Variants in ITGBL1 observed in about 807,000 individuals in gnomAD.
ITGBL1 encodes integrin beta-like protein 1.
A neutral mutation model predicts 68.5 loss-of-function variants in ITGBL1; 51 were observed. That is an observed-to-expected ratio of 0.74 (90% CI 0.59 to 0.94). The LOEUF (loss-of-function observed/expected upper bound fraction) is 0.94, where lower values mean the gene tolerates loss of function less well. Among genes scored for constraint, ITGBL1 ranks in the 40% least tolerant of loss-of-function variants. ITGBL1 has a pLI of 0.00. For synonymous variants in ITGBL1, 209 were observed against 227.3 expected (o/e 0.92, Z 0.72); for missense variants, 649 against 647.4 (o/e 1.00, Z -0.03).
intron 7 of ITGBL1, among the ~76,000 whole-genome samples, chr13:101,666,635 A>G (rs1206402845): frequency 6.6e-6 from 1 of 151,930 alleles, no homozygotes; most frequent in African/African-American, 2.4e-5. Context: ...TTGTTTGGTT[A>G]CATGTGTCTA....
intron 2 of ITGBL1, among the ~76,000 whole-genome samples, chr13:101,558,060 G>A (rs964431165): frequency 1.0e-4 from 12 of 119,050 alleles, no homozygotes; most frequent in African/African-American, 4.1e-4. Context: ...CTCCAGCCTG[G>A]GAGACAGAGC....
At chr13:101,543,883 T>A (rs192578464) in intron 2 of ITGBL1, among the ~76,000 whole-genome samples, 1 of 152,334 alleles carries the variant, frequency 6.6e-6, no homozygotes, top group Admixed American at 6.5e-5. Context: ...GTAGTTCTCG[T>A]GCCTTGGTTT....
At chr13:101,629,934 T>C (rs1411377677) in intron 7 of ITGBL1, among the ~76,000 whole-genome samples, 3 of 152,178 alleles carry the variant, frequency 2.0e-5, no homozygotes, top group Non-Finnish European at 4.4e-5. Context: ...GCAATTCTCC[T>C]GCCTCAGCCT....
At chr13:101,696,990 A>G (rs1208968410) in intron 8 of ITGBL1, among the ~76,000 whole-genome samples, 1 of 152,076 alleles carries the variant, frequency 6.6e-6, no homozygotes, top group East Asian at 1.9e-4. Flanking sequence ...GGGCAAAAGC[A>G]CACAGGTGAA....
At chr13:101,553,031 A>G (rs551401078) in intron 2 of ITGBL1, among the ~76,000 whole-genome samples, 2 of 152,216 alleles carry the variant, frequency 1.3e-5, no homozygotes, top group South Asian at 2.1e-4. Flanking sequence ...GAGGACTGAC[A>G]TTTTTTTCAG....
chr13:101,680,504 A>C (rs2139525505), intron 7 of ITGBL1, among the ~76,000 whole-genome samples: 1 of 151,960 alleles, frequency 6.6e-6, no homozygotes, highest in Non-Finnish European at 1.5e-5. Flanking sequence ...TGCTCTCCTG[A>C]AATCATCTCA....
At position 101,715,685 on chromosome 13, in the gene ITGBL1, T is replaced by C; in HGVS notation, c.*31T>C. ...ACATGAGAGAGGTCTGGATTCTTAT[T>C]TTTTCTGGGCCATTAGAACAGATAA... On this transcript the variant is annotated 3_prime_UTR_variant, in exon 11 of 11. Transcript: ENST00000376180. The C allele has an allele frequency of 1.4e-6, 2 of 1,442,960 alleles. No homozygotes were observed. The highest frequency in any genetic ancestry group is 2.0e-6 in the Non-Finnish European group (2 of 1,023,910). 89.4% of individuals were successfully genotyped at this position (1,442,960 alleles called of 1,614,324 possible).
intron 7 of ITGBL1, among the ~76,000 whole-genome samples, chr13:101,613,541 C>T (rs2031227929): frequency 6.6e-6 from 1 of 152,134 alleles, no homozygotes; most frequent in African/African-American, 2.4e-5. Context: ...CAGGGACCCT[C>T]TCCCAGGAAG....
rs531161517 is a variant in ITGBL1 at position 101,693,195 on chromosome 13, T to C, written c.1132+494T>C. ...GAGAATGAGTGAGGCAGATAGAAGG[T>C]AGTGAGCAGAGGTAACCCACAAAAA... On this transcript the variant is annotated intron_variant, in intron 8 of 10. Coordinates refer to ENST00000376180, the MANE Select transcript of ITGBL1 (RefSeq NM_004791.3). Among the ~76,000 whole-genome samples, 101 of 152,128 alleles carry C rather than the reference T, an allele frequency of 6.6e-4. 1 individual carries two copies. The South Asian group carries it at 7.7e-3, about 12-fold the overall frequency.
At chr13:101,653,158 G>C (rs2032805696) in intron 7 of ITGBL1, among the ~76,000 whole-genome samples, 1 of 150,720 alleles carries the variant, frequency 6.6e-6, no homozygotes, top group Non-Finnish European at 1.5e-5. Context: ...AGGAGGAGGA[G>C]GAGAAACAAA....
intron 2 of ITGBL1, among the ~76,000 whole-genome samples, chr13:101,470,215 T>G (rs536980691): frequency 1.3e-5 from 2 of 152,354 alleles, no homozygotes; most frequent in East Asian, 3.9e-4. Context: ...CCTTGGAAGC[T>G]CTGCTTTCCT....
intron 8 of ITGBL1, among the ~76,000 whole-genome samples, chr13:101,696,828 T>A (rs2034014286): frequency 1.3e-5 from 2 of 152,264 alleles, no homozygotes; most frequent in East Asian, 3.9e-4. Flanking sequence ...AGTAAAGGAT[T>A]CACAATTAAG....
chr13:101,674,160 T>C (rs1409957232), intron 7 of ITGBL1, among the ~76,000 whole-genome samples: 8 of 152,192 alleles, frequency 5.3e-5, no homozygotes, highest in Admixed American at 4.6e-4. Flanking sequence ...TACAAAGCCA[T>C]TGCAACCTAA....
chr13:101,606,649 A>C (rs1190950139), intron 7 of ITGBL1, among the ~76,000 whole-genome samples: 1 of 152,020 alleles, frequency 6.6e-6, no homozygotes, highest in Non-Finnish European at 1.5e-5. Context: ...ATCTGAGCAG[A>C]AGCTATAAGA....
chr13:101,654,599 G>A (rs988870610), intron 7 of ITGBL1, among the ~76,000 whole-genome samples: 1 of 152,186 alleles, frequency 6.6e-6, no homozygotes, highest in East Asian at 1.9e-4. Context: ...GCATTGAGGA[G>A]CTGACTCGAT....
At chr13:101,520,288 G>A (rs1359534358) in intron 2 of ITGBL1, among the ~76,000 whole-genome samples, 4 of 152,194 alleles carry the variant, frequency 2.6e-5, no homozygotes, top group Non-Finnish European at 5.9e-5. Context: ...CAGTGGTTGA[G>A]TACGATCAAA....
intron 7 of ITGBL1, among the ~76,000 whole-genome samples, chr13:101,647,145 A>G (rs2032585752): frequency 6.6e-6 from 1 of 152,178 alleles, no homozygotes; most frequent in Non-Finnish European, 1.5e-5. Context: ...GAAATATATG[A>G]AGTCAATTTC....
At chr13:101,632,149 C>CTATA (rs957458892) in intron 7 of ITGBL1, among the ~76,000 whole-genome samples, 32 of 141,620 alleles carry the variant, frequency 2.3e-4, no homozygotes, top group African/African-American at 8.6e-4. Flanking sequence ...CTCTCTCTCT[C>CTATA]TATATATATA....
At chr13:101,579,967 C>T (rs953958370) in intron 5 of ITGBL1, among the ~76,000 whole-genome samples, 1 of 152,110 alleles carries the variant, frequency 6.6e-6, no homozygotes, top group African/African-American at 2.4e-5. Context: ...GAAATGTACA[C>T]TGACTTTACA....
Sources: allele counts gnomAD v4.1 joint callset (sites outside exome capture counted in the v4.1 genomes callset), GRCh38; gene constraint gnomAD v4.1.1; transcripts MANE v1.5; gene names NCBI Gene and HGNC (gene_info 2026-07-23, HGNC 2026-07-21).